The following SIGLEC15 variants were observed in gnomAD, a reference collection of about 807,000 sequenced individuals.
SIGLEC15 encodes the protein sialic acid binding Ig like lectin 15, also known as sialic acid-binding Ig-like lectin 15.
A neutral mutation model predicts 26.2 loss-of-function variants in SIGLEC15; 31 were observed. That is an observed-to-expected ratio of 1.18 (90% CI 0.89 to 1.60). The LOEUF is 1.60. Ranked by LOEUF, SIGLEC15 falls within the 40% of genes most tolerant of loss-of-function variation. The pLI, the probability that SIGLEC15 is intolerant of heterozygous loss-of-function variation, is 0.00. For missense variants in SIGLEC15, 501 were observed against 488.4 expected, an observed-to-expected ratio of 1.03 and a Z score of -0.24; for synonymous variants, 207 against 221.9, an observed-to-expected ratio of 0.93 and a Z score of 0.60.
At position 45,838,851 on chromosome 18, in the gene SIGLEC15, C is replaced by G. The variant is rs754032932; in HGVS notation, c.630C>G (p.Ala210=). Residue 210 remains alanine, a synonymous_variant, in exon 4 of 6, where the codon GCC becomes GCG. Coordinates refer to ENST00000389474, the MANE Select transcript of SIGLEC15 (RefSeq NM_213602.3). The part of the protein sequence containing the change: ...SGPALGNSLA[A]VRSPREGHGH... ...CGGCCCTGGGCAACAGCTTGGCAGC[C>G]GTGCGGAGCCCGCGTGAGGGTCACG... 6.4e-7 allele frequency: 1 copy of G among 1,574,738 alleles called. No individual in the cohort carries two copies. Among genetic ancestry groups the G allele is most frequent in the South Asian group, 1.1e-5 (1 of 87,420 alleles).
chr18:45,829,718 G>A (rs1020381658), intron 1 of SIGLEC15, among the ~76,000 whole-genome samples: 1 of 152,082 alleles, frequency 6.6e-6, no homozygotes, highest in East Asian at 1.9e-4. Flanking sequence ...CTGGCCACTC[G>A]TCAGCTGGTA....
Position 45,842,182 on chromosome 18 carries a change from C to T in SIGLEC15, c.982C>T (p.Pro328Ser). Residue 328 changes from proline to serine, a missense_variant, in exon 6 of 6, where the codon CCG (proline) becomes TCG (serine). Transcript: ENST00000389474. Reference protein sequence around the residue: ...PRSPPATMCSP With the variant: ...PRSPPATMCSS ...GAGCCCACCAGCCACCATGTGCTCA[C>T]CGTGAGGAGTCCCTCAGCCACCAAC... 6.2e-7 allele frequency: 1 copy of T among 1,614,154 alleles called. No individual in the cohort carries two copies.
chr18:45,830,646 C>T (rs1417522457), intron 1 of SIGLEC15, among the ~76,000 whole-genome samples: 1 of 127,446 alleles, frequency 7.8e-6, no homozygotes, highest in East Asian at 2.6e-4. Flanking sequence ...AGTGCAGTGG[C>T]ACCATCTCAG....
Position 45,841,808 on chromosome 18 carries a change from T to C in SIGLEC15, c.906-298T>C, listed in dbSNP as rs191503090. Among the ~76,000 whole-genome samples the C allele has an allele frequency of 2.7e-3, 404 of 152,310 alleles. 1 individual carries two copies. Among genetic ancestry groups the C allele is most frequent in the Admixed American group, 4.4e-3 (67 of 15,308 alleles). Reference sequence around the variant, plus strand: ...GTCCTAGGGGAAGTCAGGAAAGCAGTTGGGGACCAGGAGGCCAGGCCGGAG... The same window carrying C: ...GTCCTAGGGGAAGTCAGGAAAGCAGCTGGGGACCAGGAGGCCAGGCCGGAG... On this transcript the variant is annotated intron_variant, in intron 5 of 5. Transcript: ENST00000389474.
At chr18:45,837,432 G>T in intron 2 of SIGLEC15, 81 bp from the exon 3 acceptor site, 1 of 1,396,656 alleles carries the variant, frequency 7.2e-7, no homozygotes, top group South Asian at 1.6e-5. Flanking sequence ...AGCGTTTCCT[G>T]GGTCGTGGGG....
chr18:45,836,962 G>T (rs2048280546), intron 1 of SIGLEC15, 67 bp from the exon 2 acceptor site: 3 of 861,224 alleles, frequency 3.5e-6, no homozygotes, highest in Non-Finnish European at 6.1e-6. Context: ...TGTGACTTCA[G>T]TTACTCAACT....
intron 1 of SIGLEC15, among the ~76,000 whole-genome samples, chr18:45,830,617 G>A (rs555425968): frequency 1.7e-5 from 2 of 118,708 alleles, no homozygotes; most frequent in South Asian, 2.7e-4. Flanking sequence ...ACGGAGTCTC[G>A]CTCTGTCACC....
chr18:45,838,506 T>C, intron 3 of SIGLEC15: 3 of 679,324 alleles, frequency 4.4e-6, no homozygotes, highest in Non-Finnish European at 4.6e-6. Context: ...TTAAGGCAAC[T>C]GCTATCATGA....
At chr18:45,841,614 G>C (rs1307306920) in intron 5 of SIGLEC15, among the ~76,000 whole-genome samples, 1 of 152,170 alleles carries the variant, frequency 6.6e-6, no homozygotes, top group East Asian at 1.9e-4. Flanking sequence ...GCTTGCCCAA[G>C]AGCCCAGTGG....
At chr18:45,825,845 TAC>T (rs2048180936) in intron 1 of SIGLEC15, 65 bp downstream of exon 1, 13 of 1,589,258 alleles carry the variant, frequency 8.2e-6, no homozygotes, top group Non-Finnish European at 1.1e-5. Context: ...GCATCTTAGG[TAC>T]AGTCTCCCCT....
rs1446509883 is a variant in SIGLEC15, at chr18:45,837,583, G to A, written c.183G>A (p.Val61=). ...GCGCGGAGGCAGGCGACGCGGCAGT[G>A]CTGCCCTGCACCTTCACGCACCCGC... is the stretch of plus-strand genomic sequence containing the variant. ...EVSAEAGDAA[V]LPCTFTHPHR... Residue 61 remains valine, a synonymous_variant, in exon 3 of 6, where the codon GTG becomes GTA. Transcript: ENST00000389474. The A allele has an allele frequency of 2.1e-5, 32 of 1,515,470 alleles. No homozygotes were observed. The highest frequency in any genetic ancestry group is 2.5e-5 in the Non-Finnish European group (29 of 1,139,312). The allele number at this position is 1,515,470 out of a possible 1,614,324, so 93.9% of individuals were successfully genotyped here.
chr18:45,832,481 C>T (rs1315853317), intron 1 of SIGLEC15, among the ~76,000 whole-genome samples: 7 of 151,072 alleles, frequency 4.6e-5, no homozygotes, highest in Admixed American at 1.3e-4. Flanking sequence ...GAGCCTAGGA[C>T]GTGCCAGGCA....
At chr18:45,836,601 A>G (rs1485441569) in intron 1 of SIGLEC15, among the ~76,000 whole-genome samples, 1 of 152,090 alleles carries the variant, frequency 6.6e-6, no homozygotes, top group East Asian at 1.9e-4. Context: ...CCACACATCC[A>G]TGGTTCACAA....
chr18:45,834,583 G>C (rs1283974444), intron 1 of SIGLEC15, among the ~76,000 whole-genome samples: 1 of 152,228 alleles, frequency 6.6e-6, no homozygotes, highest in Non-Finnish European at 1.5e-5. Flanking sequence ...TATTGTTCAT[G>C]CCCATCTTTA....
chr18:45,830,363 T>C (rs997490771), intron 1 of SIGLEC15, among the ~76,000 whole-genome samples: 1 of 152,232 alleles, frequency 6.6e-6, no homozygotes, highest in East Asian at 1.9e-4. Flanking sequence ...ATCAGTCAAC[T>C]GCTCCCTAGT....
At chr18:45,839,386 C>T (rs994999118) in intron 4 of SIGLEC15, among the ~76,000 whole-genome samples, 4 of 152,206 alleles carry the variant, frequency 2.6e-5, no homozygotes, top group Non-Finnish European at 5.9e-5. Flanking sequence ...CGTCCCTTTG[C>T]TACCACCCGG....
rs745455659 is a variant in SIGLEC15, at chr18:45,838,938, C to A, written c.717C>A (p.Ala239=). The A allele has an allele frequency of 3.7e-6, 6 of 1,604,890 alleles. No individual in the cohort carries two copies. The highest frequency in any genetic ancestry group is 1.3e-5 in the African/African-American group (1 of 74,462). ...ATGACGGCCGCTACACGTGTACGGC[C>A]GCCAACAGCCTGGGCCGCTCCGAGG... The part of the protein sequence containing the change: ...LTHDGRYTCT[A]ANSLGRSEAS... Residue 239 remains alanine (A), a synonymous_variant, in exon 4 of 6, where the codon GCC becomes GCA. Transcript: ENST00000389474.
At chr18:45,838,676 G>T (rs1599396581) in intron 3 of SIGLEC15, 42 bp from the exon 4 acceptor site, 1 of 1,511,272 alleles carries the variant, frequency 6.6e-7, no homozygotes, top group East Asian at 2.4e-5. Context: ...GGGCTAAGGG[G>T]AGGGGTGCCC....
chr18:45,838,536 G>A, intron 3 of SIGLEC15, 182 bp from the exon 4 acceptor site: 1 of 786,746 alleles, frequency 1.3e-6, no homozygotes, highest in Non-Finnish European at 1.9e-6. Context: ...TACACATGGA[G>A]AAGCAGAAGC....
Sources: gnomAD v4.1 joint callset for allele counts (sites outside exome capture counted in the v4.1 genomes callset) on GRCh38, gnomAD v4.1.1 for gene constraint, MANE v1.5 for transcripts, NCBI Gene and HGNC (gene_info 2026-07-23, HGNC 2026-07-21) for gene names.